Variants in MYO18B observed in about 807,000 individuals in gnomAD.
The protein encoded by MYO18B is myosin XVIIIB.
Under a neutral mutation model 273.0 loss-of-function variants are expected in MYO18B, and 204 were observed. The observed-to-expected ratio is 0.75, with a 90% CI of 0.67 to 0.84. The LOEUF is 0.84. Ranked by LOEUF, MYO18B falls within the 40% of genes least tolerant of loss-of-function variation. MYO18B has a pLI of 0.00. For synonymous variants in MYO18B, 1,330 were observed against 1,305.7 expected (o/e 1.02, Z -0.40); for missense variants, 3,212 against 3,287.6 (o/e 0.98, Z 0.56).
the MYO18B span, among the ~76,000 whole-genome samples, chr22:26,041,606 G>A: frequency 6.6e-6 from 1 of 152,082 alleles, no homozygotes; most frequent in Non-Finnish European, 1.5e-5. Flanking sequence ...GCAGAGTTTT[G>A]ACATGATTTT....
intron 12 of MYO18B, among the ~76,000 whole-genome samples, chr22:25,814,383 G>T (rs60861270): frequency 0.05 from 6,442 of 129,594 alleles, 339 homozygotes; most frequent in East Asian, 0.13. Flanking sequence ...GCAATGGCAC[G>T]ATCTCGGCCC....
chr22:26,042,619 A>G, the MYO18B span, among the ~76,000 whole-genome samples: 2 of 152,246 alleles, frequency 1.3e-5, no homozygotes, highest in Non-Finnish European at 2.9e-5. Flanking sequence ...AAACCAGAAC[A>G]GAGATGCTAA....
At chr22:25,882,534 A>G (rs918999924) in intron 25 of MYO18B, among the ~76,000 whole-genome samples, 1 of 152,180 alleles carries the variant, frequency 6.6e-6, no homozygotes, top group East Asian at 1.9e-4. Flanking sequence ...GCACTTTTGG[A>G]GCATCATCCT....
At chr22:25,781,921 A>C in intron 10 of MYO18B, 87 bp downstream of exon 10, 1 of 882,428 alleles carries the variant, frequency 1.1e-6, no homozygotes, top group Non-Finnish European at 1.6e-6. Context: ...GCTTCTGCCC[A>C]GCACTGAGAG....
intron 18 of MYO18B, 51 bp from the exon 19 acceptor site, chr22:25,846,048 CT>C: frequency 7.0e-7 from 1 of 1,435,646 alleles, no homozygotes. Context: ...CAGGCCAAGG[CT>C]TTCCCAAGAA....
intron 42 of MYO18B, among the ~76,000 whole-genome samples, chr22:26,023,032 A>G (rs977338349): frequency 2.6e-5 from 4 of 152,232 alleles, no homozygotes; most frequent in African/African-American, 9.6e-5. Flanking sequence ...TGTTAAAGCC[A>G]AGATGGCAGA....
intron 42 of MYO18B, among the ~76,000 whole-genome samples, chr22:26,016,993 G>T (rs552703791): frequency 2.4e-4 from 36 of 152,158 alleles, no homozygotes; most frequent in African/African-American, 7.9e-4. Context: ...CTTCCTCTCT[G>T]ACTCCCTCCT....
At position 25,770,182 on chromosome 22, in the gene MYO18B, T is replaced by A. The variant is rs1309906651; in HGVS notation, c.1579+6T>A. 6.2e-7 allele frequency: 1 copy of A among 1,613,816 alleles called. No homozygotes were observed. The highest frequency in any genetic ancestry group is 8.5e-7 in the Non-Finnish European group (1 of 1,179,748). The stretch of plus-strand genomic sequence containing the variant: ...GAAGGATGGATTTACTCTTGGTAAG[T>A]AGGGGTGTTAGCACCTTTGGAGGGT... On this transcript the variant is annotated splice_donor_region_variant and intron_variant, in intron 5 of 43. Coordinates refer to ENST00000335473, the MANE Select transcript of MYO18B (RefSeq NM_032608.7).
rs1569225002 is a variant in MYO18B, at chr22:25,948,440, TTCC to T, written c.5748+614_5748+616del. On this transcript the variant is annotated intron_variant, in intron 36 of 43. Coordinates refer to ENST00000335473, the MANE Select transcript of MYO18B (RefSeq NM_032608.7). ...CTTCCTTCCTTCCTTCCTTCCTTCC[TTCC>T]TTCCTTCCTTCCTTCCTTCTTTCTT... Among the ~76,000 whole-genome samples the T allele has an allele frequency of 5.7e-3, 706 of 124,536 alleles. 5 individuals carry two copies. Among genetic ancestry groups the T allele is most frequent in the East Asian group, 0.02 (84 of 4,196 alleles). The allele number at this position is 124,536 out of a possible 152,430, so 81.7% of individuals were successfully genotyped here.
chr22:25,865,242 C>T (rs1280170181), intron 21 of MYO18B, among the ~76,000 whole-genome samples: 1 of 152,198 alleles, frequency 6.6e-6, no homozygotes, highest in African/African-American at 2.4e-5. Flanking sequence ...AATACCTGCA[C>T]TTACCCACTC....
intron 32 of MYO18B, among the ~76,000 whole-genome samples, chr22:25,910,217 G>A (rs1234065104): frequency 3.3e-5 from 5 of 152,170 alleles, no homozygotes; most frequent in African/African-American, 1.2e-4. Flanking sequence ...ATTTATCACA[G>A]TTCTGGAGGC....
At chr22:25,743,464 G>C (rs2085687334) in intron 1 of MYO18B, among the ~76,000 whole-genome samples, 1 of 151,924 alleles carries the variant, frequency 6.6e-6, no homozygotes, top group Non-Finnish European at 1.5e-5. Context: ...AGAGGAGAGA[G>C]AGAAAAGAAG....
chr22:25,875,663 ATCTGGGGTTTAACAAGCCC>A (rs2146193319), intron 23 of MYO18B, among the ~76,000 whole-genome samples: 1 of 152,350 alleles, frequency 6.6e-6, no homozygotes, highest in African/African-American at 2.4e-5. Context: ...GTGTCTAGCC[ATCTGGGGTTTAACAAGCCC>A]TCCAGGGGAT....
intron 27 of MYO18B, among the ~76,000 whole-genome samples, chr22:25,893,947 C>T (rs1411738584): frequency 6.6e-6 from 1 of 152,210 alleles, no homozygotes; most frequent in Non-Finnish European, 1.5e-5. Context: ...ATCCATCCAT[C>T]CATCCATTAT....
At chr22:25,924,145 G>A (rs944238176) in intron 34 of MYO18B, among the ~76,000 whole-genome samples, 13 of 152,350 alleles carry the variant, frequency 8.5e-5, no homozygotes, top group Admixed American at 4.6e-4. Context: ...CAGCGCACGT[G>A]TCCCAGATGC....
At chr22:25,949,536 T>C (rs573904886) in intron 36 of MYO18B, among the ~76,000 whole-genome samples, 10 of 152,230 alleles carry the variant, frequency 6.6e-5, no homozygotes, top group African/African-American at 2.4e-4. Flanking sequence ...AGAGCCGGGG[T>C]AAAATACCTG....
intron 23 of MYO18B, among the ~76,000 whole-genome samples, chr22:25,875,320 C>T (rs750653731): frequency 7.9e-5 from 12 of 152,198 alleles, no homozygotes; most frequent in East Asian, 1.9e-4. Context: ...TTTCCCCATC[C>T]GTAAATACAT....
intron 29 of MYO18B, chr22:25,901,153 G>A (rs1036812530): frequency 6.6e-6 from 1 of 152,194 alleles, no homozygotes; most frequent in Non-Finnish European, 1.5e-5. Context: ...TCCAACAGGA[G>A]GGCTCCATTA....
intron 14 of MYO18B, among the ~76,000 whole-genome samples, chr22:25,827,016 C>G (rs9624910): frequency 0.2 from 31,035 of 152,084 alleles, 3,328 homozygotes; most frequent in Non-Finnish European, 0.22. Context: ...GAGCCGAGAT[C>G]GCGCCACCAC....
Sources: allele counts gnomAD v4.1 joint callset (sites outside exome capture counted in the v4.1 genomes callset), GRCh38; gene constraint gnomAD v4.1.1; transcripts MANE v1.5; gene names NCBI Gene and HGNC (gene_info 2026-07-23, HGNC 2026-07-21).